The following ADGB variants were observed in gnomAD, a reference collection of about 807,000 sequenced individuals.
ADGB encodes androglobin.
ADGB carries 172 observed loss-of-function variants against 210.5 expected under a neutral mutation model. That is an observed-to-expected ratio of 0.82 (90% CI 0.72 to 0.93). The LOEUF is 0.93. ADGB is among the 40% of genes least tolerant of loss of function. The probability of loss-of-function intolerance (pLI) is 0.00; values close to 1 mark genes in which losing one functional copy is unlikely to be tolerated. For synonymous variants in ADGB, 658 were observed against 662.7 expected, an observed-to-expected ratio of 0.99 and a Z score of 0.11; for missense variants, 2,025 against 1,964.8, an observed-to-expected ratio of 1.03 and a Z score of -0.58.
At chr6:146,753,806 T>C (rs1777361191) in intron 27 of ADGB, among the ~76,000 whole-genome samples, 1 of 151,948 alleles carries the variant, frequency 6.6e-6, no homozygotes, top group African/African-American at 2.4e-5. Flanking sequence ...ATAATTTTAC[T>C]CAGTTTGTTG....
chr6:146,764,304 A>G (rs1159006262), intron 28 of ADGB, among the ~76,000 whole-genome samples: 1 of 152,206 alleles, frequency 6.6e-6, no homozygotes, highest in Non-Finnish European at 1.5e-5. Flanking sequence ...TAATATGTAC[A>G]TGAATACATC....
Position 146,764,228 on chromosome 6 carries a change from T to G in ADGB, c.3750+128T>G, listed in dbSNP as rs9403815. 1.7e-4 allele frequency: 131 copies of G among 750,190 alleles called. No homozygotes were observed. In the East Asian group the frequency reaches 3.4e-3, roughly 19 times the overall value. 46.5% of individuals were successfully genotyped at this position (750,190 alleles called of 1,614,324 possible). A position where few individuals can be genotyped will look rare whatever the true frequency, so the allele number is the denominator to read the frequency against. On this transcript the variant is annotated intron_variant, in intron 28 of 35. Transcript: ENST00000397944. ...CCAATGTATAGCCAGAATTGGAGAA[T>G]AAGAGAGTCTTGAACAGTTTCTCTG...
intron 26 of ADGB, among the ~76,000 whole-genome samples, chr6:146,749,047 C>T (rs1777283444): frequency 1.3e-5 from 2 of 152,102 alleles, no homozygotes; most frequent in Admixed American, 6.6e-5. Flanking sequence ...GGCGGGGACA[C>T]AATTCAACCC....
intron 3 of ADGB, among the ~76,000 whole-genome samples, chr6:146,651,500 T>C (rs1044306744): frequency 1.3e-5 from 2 of 152,176 alleles, no homozygotes; most frequent in African/African-American, 4.8e-5. Flanking sequence ...GGGGGCTAAT[T>C]GAGGGAGTTT....
intron 5 of ADGB, among the ~76,000 whole-genome samples, chr6:146,660,872 T>C (rs1775844955): frequency 1.3e-5 from 2 of 152,172 alleles, no homozygotes; most frequent in Admixed American, 1.3e-4. Flanking sequence ...TTTGATGTAA[T>C]TGGAATTGAA....
intron 12 of ADGB, among the ~76,000 whole-genome samples, chr6:146,699,377 C>T (rs756772146): frequency 1.3e-5 from 2 of 152,134 alleles, no homozygotes; most frequent in Admixed American, 6.6e-5. Flanking sequence ...TCCCAGAGTC[C>T]GAAGGGCAGA....
intron 32 of ADGB, among the ~76,000 whole-genome samples, chr6:146,786,035 T>C (rs1359309056): frequency 6.6e-6 from 1 of 151,280 alleles, no homozygotes; most frequent in Non-Finnish European, 1.5e-5. Flanking sequence ...GTATAAAACT[T>C]GAAGGTAGGT....
chr6:146,721,704 G>T (rs1776817371), intron 17 of ADGB, among the ~76,000 whole-genome samples, 199 bp downstream of exon 17: 2 of 152,114 alleles, frequency 1.3e-5, no homozygotes, highest in African/African-American at 4.8e-5. Flanking sequence ...CAGGCGTGAT[G>T]GCACGTACCT....
chr6:146,599,160 G>T, intron 1 of ADGB, 46 bp downstream of exon 1: 1 of 1,509,576 alleles, frequency 6.6e-7, no homozygotes, highest in Middle Eastern at 1.7e-4. Context: ...CTAGCCCCTC[G>T]ACCTCACCAC....
At chr6:146,793,552 C>T (rs529945348) in intron 33 of ADGB, among the ~76,000 whole-genome samples, 14 of 152,246 alleles carry the variant, frequency 9.2e-5, no homozygotes, top group African/African-American at 3.4e-4. Context: ...GAGTTGAGCT[C>T]ATTTGGGGTT....
rs370122887 is a variant in ADGB, at chr6:146,726,107, A to G, written c.2262A>G (p.Ala754=). ...GGAGACACATGCTACTCTTCAACGCATACTCCCCAGTAGGACACTCCATAC... is the reference window on the plus strand; with the variant it reads ...GGAGACACATGCTACTCTTCAACGCGTACTCCCCAGTAGGACACTCCATAC... ...PVGRHMLLFN[A]YSPVGHSIHI... The change falls in exon 19 of 36, where the codon GCA becomes GCG. Residue 754 remains alanine, a synonymous_variant. Coordinates refer to ENST00000397944, the MANE Select transcript of ADGB (RefSeq NM_024694.4). 4 of 1,544,634 alleles carry G rather than the reference A, an allele frequency of 2.6e-6. No individual in the cohort carries two copies. Among genetic ancestry groups the G allele is most frequent in the African/African-American group, 1.4e-5 (1 of 72,958 alleles).
chr6:146,707,781 A>C (rs1776596107), intron 13 of ADGB, among the ~76,000 whole-genome samples: 2 of 151,986 alleles, frequency 1.3e-5, no homozygotes, highest in Admixed American at 1.3e-4. Context: ...TTGTTTTTTA[A>C]ATACATTTTG....
chr6:146,672,144 G>T, intron 7 of ADGB, 76 bp from the exon 8 acceptor site: 1 of 1,424,548 alleles, frequency 7.0e-7, no homozygotes. Flanking sequence ...TGATTTTTCT[G>T]TCAGTAATTT....
chr6:146,803,871 G>A lies in ADGB; in HGVS notation c.4818+1860G>A, dbSNP rs561498683. The A allele has an allele frequency of 1.3e-3, 454 of 359,766 alleles. 1 individual carries two copies. The highest frequency in any genetic ancestry group is 2.1e-3 in the Non-Finnish European group (411 of 199,408). 22.3% of individuals were successfully genotyped at this position (359,766 alleles called of 1,614,324 possible). A position where few individuals can be genotyped will look rare whatever the true frequency, so the allele number is the denominator to read the frequency against. ...CGCGCGCGGCCTGCCGGGATAGCTGGGAAAAGTCTTAACAAGCCAATTAGC... is the reference window on the plus strand; with the variant it reads ...CGCGCGCGGCCTGCCGGGATAGCTGAGAAAAGTCTTAACAAGCCAATTAGC... On this transcript the variant is annotated intron_variant, in intron 35 of 35. Transcript: ENST00000397944.
intron 1 of ADGB, among the ~76,000 whole-genome samples, chr6:146,631,223 CT>C (rs1407367378): frequency 6.6e-6 from 1 of 152,174 alleles, no homozygotes; most frequent in Admixed American, 6.6e-5. Context: ...AAAACCAAAT[CT>C]CAGTGACTTA....
chr6:146,735,523 T>G (rs546683736), intron 22 of ADGB, among the ~76,000 whole-genome samples: 2 of 152,358 alleles, frequency 1.3e-5, no homozygotes, highest in South Asian at 4.1e-4. Flanking sequence ...GGCATAGCCC[T>G]CATGAGCTAA....
At chr6:146,801,761 T>C in intron 34 of ADGB, 67 bp from the exon 35 acceptor site, 1 of 1,346,316 alleles carries the variant, frequency 7.4e-7, no homozygotes, top group East Asian at 2.7e-5. Context: ...TTATTTGATG[T>C]CTAAAGTGAA....
chr6:146,659,511 C>A lies in ADGB; in HGVS notation c.612+2531C>A, dbSNP rs1325270907. Reference sequence around the variant, plus strand: ...TTCACTTTGTCCTGTAAAACATTTACCTTTATCACTTCTTTGAGGCAAACC... The same window carrying A: ...TTCACTTTGTCCTGTAAAACATTTAACTTTATCACTTCTTTGAGGCAAACC... On this transcript the variant is annotated intron_variant, in intron 5 of 35. Coordinates refer to ENST00000397944, the MANE Select transcript of ADGB (RefSeq NM_024694.4). Among the ~76,000 whole-genome samples the A allele has an allele frequency of 1.3e-4, 20 of 152,246 alleles. No individual in the cohort carries two copies. The East Asian group carries it at 3.7e-3, about 28-fold the overall frequency.
Position 146,733,201 on chromosome 6 carries a change from G to T in ADGB, c.2602G>T (p.Ala868Ser), listed in dbSNP as rs767190551. The T allele has an allele frequency of 2.6e-6, 4 of 1,543,050 alleles. 1 individual carries two copies. The South Asian group carries it at 4.8e-5, about 19-fold the overall frequency. Reference sequence around the variant, plus strand: ...TCCAAACTTCAAATTTGCATTCCGGGCTATGGTTTTGGACTTGGAGTTACT... The same window carrying T: ...TCCAAACTTCAAATTTGCATTCCGGTCTATGGTTTTGGACTTGGAGTTACT... ...PPPNFKFAFR[A>S]MVLDLELLNS... The change falls in exon 21 of 36, where the codon GCT (alanine) becomes TCT (serine). Residue 868 changes from alanine to serine, a missense_variant. By Grantham distance (99) the Ala-to-Ser change is moderately conservative. Transcript: ENST00000397944.
Sources: gnomAD v4.1 joint callset for allele counts (sites outside exome capture counted in the v4.1 genomes callset) on GRCh38, gnomAD v4.1.1 for gene constraint, MANE v1.5 for transcripts, NCBI Gene and HGNC (gene_info 2026-07-23, HGNC 2026-07-21) for gene names.